Variants in ZKSCAN1 observed in about 807,000 individuals in gnomAD.
ZKSCAN1 encodes the protein zinc finger with KRAB and SCAN domains 1.
A neutral mutation model predicts 51.6 loss-of-function variants in ZKSCAN1; 14 were observed. That is an observed-to-expected ratio of 0.27 (90% CI 0.18 to 0.42). The LOEUF is 0.42. Among genes scored for constraint, ZKSCAN1 ranks in the 10% least tolerant of loss-of-function variants. The pLI, the probability that ZKSCAN1 is intolerant of heterozygous loss-of-function variation, is 1.00. For missense variants in ZKSCAN1, 531 were observed against 710.0 expected (o/e 0.75, Z 2.86); for synonymous variants, 263 against 261.5 (o/e 1.01, Z -0.06).
chr7:100,024,218 A>C lies in ZKSCAN1; in HGVS notation c.491A>C (p.Gln164Pro). The change falls in exon 3 of 6, where the codon CAG becomes CCG. Residue 164 changes from glutamine to proline, a missense_variant. By Grantham distance (76) the Gln-to-Pro change is moderately conservative. Coordinates refer to ENST00000324306, the MANE Select transcript of ZKSCAN1 (RefSeq NM_003439.4). Reference protein sequence around the residue: ...ARGMVPLDPVQESSSFDLHHE... With the variant: ...ARGMVPLDPVPESSSFDLHHE... ...GGGATGGTGCCTCTGGATCCAGTTC[A>C]GGAGTCCTCGAGCTTTGACCTTCAT... is the stretch of plus-strand genomic sequence containing the variant. The C allele has an allele frequency of 6.2e-7, 1 of 1,614,120 alleles. No homozygotes were observed. Among genetic ancestry groups the C allele is most frequent in the Non-Finnish European group, 8.5e-7 (1 of 1,180,018 alleles).
chr7:100,017,171 G>T (rs1267746892), intron 1 of ZKSCAN1, among the ~76,000 whole-genome samples: 1 of 151,394 alleles, frequency 6.6e-6, no homozygotes, highest in Non-Finnish European at 1.5e-5. Context: ...TAAAACATTT[G>T]ATTGCTCTTT....
chr7:100,027,747 CAAAA>C (rs1199868325), intron 3 of ZKSCAN1, among the ~76,000 whole-genome samples: 1 of 68,394 alleles, frequency 1.5e-5, no homozygotes, highest in African/African-American at 5.5e-5. Flanking sequence ...GATGCTGTCT[CAAAA>C]AAAAAAAAAA....
At chr7:100,024,392 A>C in intron 3 of ZKSCAN1, 85 bp downstream of exon 3, 3 of 1,519,032 alleles carry the variant, frequency 2.0e-6, no homozygotes, top group Non-Finnish European at 1.8e-6. Context: ...ATGAAGAAGC[A>C]TGTTAGTCCT....
intron 1 of ZKSCAN1, among the ~76,000 whole-genome samples, chr7:100,016,090 C>T (rs1203073064): frequency 6.6e-6 from 1 of 152,202 alleles, no homozygotes; most frequent in African/African-American, 2.4e-5. Flanking sequence ...TTTTTCTGCT[C>T]TCCCTTAGTC....
chr7:100,023,673 G>A lies in ZKSCAN1; in HGVS notation c.167G>A (p.Arg56His). The stretch of plus-strand genomic sequence containing the variant: ...CCTCCTCCAGACCCAGAGATATTCC[G>A]CCAACGCTTCAGGCGCTTCTGTTAC... ...DTPPPDPEIF[R>H]QRFRRFCYQN... is the part of the protein sequence containing the mutation. Residue 56 changes from arginine to histidine, a missense_variant, in exon 2 of 6, where the codon CGC becomes CAC. Coordinates refer to ENST00000324306, the MANE Select transcript of ZKSCAN1 (RefSeq NM_003439.4). 3.7e-6 allele frequency: 6 copies of A among 1,614,118 alleles called. No individual in the cohort carries two copies. The highest frequency in any genetic ancestry group is 5.1e-6 in the Non-Finnish European group (6 of 1,180,038).
At chr7:100,042,563 G>A (rs1791626235), downstream of ZKSCAN1, among the ~76,000 whole-genome samples, 1 of 152,056 alleles carries the variant, frequency 6.6e-6, no homozygotes, top group South Asian at 2.1e-4. Context: ...CCCCATTTCA[G>A]ACGCCAGTCT....
intron 5 of ZKSCAN1, among the ~76,000 whole-genome samples, chr7:100,031,833 C>G (rs1012948562): frequency 6.6e-6 from 1 of 152,128 alleles, no homozygotes; most frequent in African/African-American, 2.4e-5. Flanking sequence ...TCCCAACACT[C>G]GAGGAGGCTG....
In ZKSCAN1 at chr7:100,036,330, G is replaced by C; in HGVS notation, c.*2133G>C. 1 of 985,438 alleles carries C rather than the reference G, an allele frequency of 1.0e-6. No individual in the cohort carries two copies. The highest frequency in any genetic ancestry group is 1.2e-6 in the Non-Finnish European group (1 of 829,926). 61.0% of individuals were successfully genotyped at this position (985,438 alleles called of 1,614,324 possible). A position where few individuals can be genotyped will look rare whatever the true frequency, so the allele number is the denominator to read the frequency against. On this transcript the variant is annotated 3_prime_UTR_variant, in exon 6 of 6. Coordinates refer to ENST00000324306, the MANE Select transcript of ZKSCAN1 (RefSeq NM_003439.4). ...TATCTAAGTAACTAAAATGGAGGCA[G>C]AAAATGTTTTAAGGATTTTCTTCAA... is the stretch of plus-strand genomic sequence containing the variant.
chr7:100,034,124 C>A lies in ZKSCAN1; in HGVS notation c.1619C>A (p.Ala540Asp). 6.3e-7 allele frequency: 1 copy of A among 1,595,752 alleles called. No homozygotes were observed. Among genetic ancestry groups the A allele is most frequent in the Non-Finnish European group, 8.5e-7 (1 of 1,173,352 alleles). ...STLTLHHRIH[A>D]RERASEYSPA... Reference sequence around the variant, plus strand: ...CTCACTCTGCATCACAGAATCCATGCCAGAGAGAGAGCCTCTGAGTACAGC... The same window carrying A: ...CTCACTCTGCATCACAGAATCCATGACAGAGAGAGAGCCTCTGAGTACAGC... The change falls in exon 6 of 6, where the codon GCC becomes GAC. Residue 540 changes from alanine (A) to aspartate (D), a missense_variant. Physicochemically the swap from Ala to Asp is moderately radical, Grantham distance 126 (BLOSUM62 -2). This residue lies in a region of ZKSCAN1 where 128 missense variants were observed against 219.5 expected (regional missense o/e 0.58). Transcript: ENST00000324306.
chr7:100,034,505 C>G lies in ZKSCAN1; in HGVS notation c.*308C>G. 9.4e-7 allele frequency: 1 copy of G among 1,069,462 alleles called. No homozygotes were observed. 66.2% of individuals were successfully genotyped at this position (1,069,462 alleles called of 1,614,324 possible). A position where few individuals can be genotyped will look rare whatever the true frequency, so the allele number is the denominator to read the frequency against. ...CAGTAATGAGGATACCTTTAAGGCA[C>G]TCTTGGACTCTCGGCAACCACAACA... On this transcript the variant is annotated 3_prime_UTR_variant, in exon 6 of 6. Transcript: ENST00000324306.
rs575309013 is a variant in ZKSCAN1 at position 100,036,204 on chromosome 7, G to A, written c.*2007G>A. The A allele has an allele frequency of 3.7e-5, 36 of 985,408 alleles. 1 individual carries two copies. In the African/African-American group the frequency reaches 6.3e-4, roughly 17 times the overall value. The allele number at this position is 985,408 out of a possible 1,614,324, so 61.0% of individuals were successfully genotyped here. A position where few individuals can be genotyped will look rare whatever the true frequency, so the allele number is the denominator to read the frequency against. ...ACAACTTCCCTATAGCTTCTAAGCA[G>A]TTTCATCAGCATTACTTGGGAAAAC... On this transcript the variant is annotated 3_prime_UTR_variant, in exon 6 of 6. Transcript: ENST00000324306.
chr7:100,033,594 C>G lies in ZKSCAN1; in HGVS notation c.1089C>G (p.Asn363Lys). The stretch of plus-strand genomic sequence containing the variant: ...GAAGAAGCTTCAGTCTGAGCTCCAA[C>G]TTCACCACCCCTGAAGAAGTTCCCA... ...GLGRSFSLSS[N>K]FTTPEEVPTG... The change falls in exon 6 of 6, where the codon AAC becomes AAG. Residue 363 changes from asparagine (N) to lysine (K), a missense_variant. Around this residue, in one of 2 missense-constraint regions of ZKSCAN1, gnomAD observed 403 missense variants for 490.5 expected, o/e 0.82. Transcript: ENST00000324306. The surrounding 1 kb of genome is among the most constrained non-coding windows in gnomAD (Gnocchi z 4.1). The G allele has an allele frequency of 6.2e-7, 1 of 1,614,184 alleles. No homozygotes were observed.
intron 1 of ZKSCAN1, among the ~76,000 whole-genome samples, chr7:100,021,443 G>T (rs1173820848): frequency 7.9e-5 from 12 of 152,048 alleles, no homozygotes. Flanking sequence ...TTTCTAAAAT[G>T]TGAACATAGA....
chr7:100,029,636 T>C (rs143911510), intron 3 of ZKSCAN1, among the ~76,000 whole-genome samples: 27 of 152,280 alleles, frequency 1.8e-4, no homozygotes, highest in Admixed American at 6.5e-5. Flanking sequence ...ATAAAAGGGT[T>C]GGACCAGGTG....
intron 4 of ZKSCAN1, 36 bp downstream of exon 4, chr7:100,029,988 G>T: frequency 6.2e-7 from 1 of 1,606,380 alleles, no homozygotes; most frequent in Non-Finnish European, 8.5e-7. Flanking sequence ...TGAGTCCTCA[G>T]TGTCTGCCTC....
chr7:100,017,353 G>A (rs1392426245), intron 1 of ZKSCAN1, among the ~76,000 whole-genome samples: 1 of 152,096 alleles, frequency 6.6e-6, no homozygotes, highest in Admixed American at 6.5e-5. Context: ...CTCCCGAATA[G>A]CTGGGACTAC....
Position 100,037,606 on chromosome 7 carries a change from A to G in ZKSCAN1, c.*3409A>G. 1.0e-6 allele frequency: 1 copy of G among 985,472 alleles called. No homozygotes were observed. The highest frequency in any genetic ancestry group is 1.2e-6 in the Non-Finnish European group (1 of 829,934). The allele number at this position is 985,472 out of a possible 1,614,324, so 61.0% of individuals were successfully genotyped here. On this transcript the variant is annotated 3_prime_UTR_variant, in exon 6 of 6. Transcript: ENST00000324306. ...ATCGGAAAGCTTATACTGTAAATAA[A>G]CTTGATGAATATTATATGTGAGGAA...
In ZKSCAN1 at chr7:100,023,516, G is replaced by A. The variant is rs749166988; in HGVS notation, c.10G>A (p.Ala4Thr). 6.2e-7 allele frequency: 1 copy of A among 1,610,480 alleles called. No individual in the cohort carries two copies. Among genetic ancestry groups the A allele is most frequent in the South Asian group, 1.1e-5 (1 of 90,694 alleles). Residue 4 changes from alanine to threonine, a missense_variant, in exon 2 of 6, where the codon GCT (alanine) becomes ACT (threonine). Ala to Thr is a moderately conservative substitution (Grantham distance 58, BLOSUM62 0). Coordinates refer to ENST00000324306, the MANE Select transcript of ZKSCAN1 (RefSeq NM_003439.4). The stretch of plus-strand genomic sequence containing the variant: ...AGTTCCTGGAGCCTGAATGATGACT[G>A]CTGAATCACGGGAAGCCACGGGTCT... MMT[A>T]ESREATGLSP...
chr7:100,019,788 G>T (rs1403588538), intron 1 of ZKSCAN1, among the ~76,000 whole-genome samples: 1 of 151,538 alleles, frequency 6.6e-6, no homozygotes, highest in Admixed American at 6.6e-5. Context: ...TGCAGCCTCC[G>T]CCTCCCAGGT....
Sources: allele counts gnomAD v4.1 joint callset (sites outside exome capture counted in the v4.1 genomes callset), GRCh38; gene constraint gnomAD v4.1.1; regional missense constraint gnomAD v4.1.1; non-coding constraint Gnocchi (gnomAD v3.1); transcripts MANE v1.5; gene names NCBI Gene and HGNC (gene_info 2026-07-23, HGNC 2026-07-21).